OR1S2: variants seen among roughly 807,000 people sequenced by gnomAD.
OR1S2 encodes the protein olfactory receptor family 1 subfamily S member 2.
OR1S2 carries 1 observed loss-of-function variant against 1.7 expected under a neutral mutation model. That is an observed-to-expected ratio of 0.59 (90% CI 0.21 to 2.81). The LOEUF (loss-of-function observed/expected upper bound fraction) is 2.81, where lower values mean the gene tolerates loss of function less well. Ranked by LOEUF, OR1S2 falls within the 30% of genes most tolerant of loss-of-function variation. The pLI is 0.22. For synonymous variants in OR1S2, 157 were observed against 145.3 expected (o/e 1.08, Z -0.58); for missense variants, 391 against 371.6 (o/e 1.05, Z -0.43).
At chr11:58,203,522 G>C (rs1409126308) in exon 1 of OR1S2, 1 of 1,614,004 alleles carries the variant, frequency 6.2e-7, no homozygotes, top group Non-Finnish European at 8.5e-7. Flanking sequence ...AGGGGAAGAT[G>C]ATAACTGATA....
exon 1 of OR1S2, chr11:58,204,076 G>A (rs761791017): frequency 6.2e-7 from 1 of 1,613,962 alleles, no homozygotes; most frequent in Non-Finnish European, 8.5e-7. Flanking sequence ...AGGTTTTGAT[G>A]TTCAGCCTGG....
chr11:58,203,855 G>C (rs766709846), exon 1 of OR1S2: 4 of 1,614,126 alleles, frequency 2.5e-6, no homozygotes, highest in Non-Finnish European at 2.5e-6. Flanking sequence ...GTGTGATGCA[G>C]CTCTCATAAG....
chr11:58,204,058 C>T, exon 1 of OR1S2: 1 of 1,613,986 alleles, frequency 6.2e-7, no homozygotes, highest in Non-Finnish European at 8.5e-7. Context: ...AGGAAAAGCA[C>T]AAAGAGGAGG....
chr11:58,203,775 A>G (rs1854877664), exon 1 of OR1S2: 4 of 1,614,134 alleles, frequency 2.5e-6, no homozygotes, highest in South Asian at 2.2e-5. Flanking sequence ...GATCGCCACA[A>G]AGTGGTCGAA....
exon 1 of OR1S2, chr11:58,203,347 G>A: frequency 6.2e-7 from 1 of 1,614,066 alleles, no homozygotes; most frequent in Non-Finnish European, 8.5e-7. Flanking sequence ...TCCTCAGGGT[G>A]AGTGGAGGAG....
rs143208389 is a variant in OR1S2, at chr11:58,204,122, G to T, written c.21C>A (p.Thr7=). 8 of 1,613,826 alleles carry T rather than the reference G, an allele frequency of 5.0e-6. No individual in the cohort carries two copies. In the African/African-American group the frequency reaches 5.3e-5, roughly 11 times the overall value. The change falls in exon 1 of 1, where the codon ACC becomes ACA. Residue 7 remains threonine (T), a synonymous_variant. Coordinates refer to ENST00000641683, the Ensembl canonical transcript of OR1S2. ...CCAGGAGAATGAATTCAGTGATGGT[G>T]GTTTGGTTTTCTTGATGCATATTTC...
exon 1 of OR1S2, chr11:58,204,068 G>A (rs1430261720): frequency 6.2e-7 from 1 of 1,614,018 alleles, no homozygotes; most frequent in Non-Finnish European, 8.5e-7. Context: ...CAAAGAGGAG[G>A]TTTTGATGTT....
At chr11:58,203,205 C>T (rs1228132128) in exon 1 of OR1S2, 2 of 1,605,490 alleles carry the variant, frequency 1.2e-6, no homozygotes, top group Admixed American at 1.7e-5. Context: ...TCCAGGGCAT[C>T]AAAGGGAAGA....
exon 1 of OR1S2, chr11:58,203,745 G>A (rs768408303): frequency 1.2e-6 from 2 of 1,614,082 alleles, no homozygotes; most frequent in South Asian, 2.2e-5. Context: ...CATGAAAGTT[G>A]TATAGTTCAG....
rs1768273265 is a variant in OR1S2 at position 58,203,746 on chromosome 11, T to C, written c.397A>G (p.Thr133Ala). 1 of 1,613,988 alleles carries C rather than the reference T, an allele frequency of 6.2e-7. No homozygotes were observed. Among genetic ancestry groups the C allele is most frequent in the South Asian group, 1.1e-5 (1 of 91,068 alleles). The change falls in exon 1 of 1, where the codon ACA becomes GCA. Residue 133 changes from threonine to alanine, a missense_variant. Physicochemically the swap from Thr to Ala is moderately conservative, Grantham distance 58 (BLOSUM62 0). Coordinates refer to ENST00000641683, the Ensembl canonical transcript of OR1S2. ...CCGAACCTGGCCCGCATGAAAGTTG[T>C]ATAGTTCAGAGGGTGGCAGATCGCC...
exon 1 of OR1S2, chr11:58,204,113 A>T (rs767080946): frequency 1.3e-5 from 21 of 1,613,938 alleles, no homozygotes; most frequent in Non-Finnish European, 1.7e-5. Context: ...GAATGAATTC[A>T]GTGATGGTGG....
In OR1S2 at chr11:58,203,379, G is replaced by A. The variant is rs78572631; in HGVS notation, c.764C>T (p.Thr255Ile). 5.8e-4 allele frequency: 943 copies of A among 1,613,032 alleles called. 14 individuals are homozygous for A. The East Asian group carries it at 0.011, about 19-fold the overall frequency. ...GGAGGGGAAAAAGTACACGCCTACA[G>A]TGGTTCCGTAGAACAGTAATGCAAT... The change falls in exon 1 of 1, where the codon ACT (threonine) becomes ATT (isoleucine). Residue 255 changes from threonine to isoleucine, a missense_variant. By Grantham distance (89) the Thr-to-Ile change is moderately conservative. Coordinates refer to ENST00000641683, the Ensembl canonical transcript of OR1S2.
In OR1S2 at chr11:58,203,689, T is replaced by G. The variant is rs148635589; in HGVS notation, c.454A>C (p.Ser152Arg). ...GTGTGTGTAAGAGCAATAATATTAC[T>G]GAGGAACCACGAGATGACTGTGAGC... The change falls in exon 1 of 1, where the codon AGT becomes CGT. Residue 152 changes from serine (S) to arginine (R), a missense_variant. Transcript: ENST00000641683. 1.4e-5 allele frequency: 23 copies of G among 1,613,954 alleles called. No homozygotes were observed. The African/African-American group carries it at 2.5e-4, about 18-fold the overall frequency.
chr11:58,203,238 C>T lies in OR1S2; in HGVS notation c.905G>A (p.Arg302Lys), dbSNP rs200534397. The T allele has an allele frequency of 1.9e-4, 312 of 1,612,236 alleles. No individual in the cohort carries two copies. The highest frequency in any genetic ancestry group is 2.5e-4 in the Non-Finnish European group (298 of 1,178,952). ...AGAAATTTTTCTATTGATGAGCTTT[C>T]TCAGGGCACCTTTCATATCCTTATT... The change falls in exon 1 of 1, where the codon AGA (arginine) becomes AAA (lysine). Residue 302 changes from arginine (R) to lysine (K), a missense_variant. By Grantham distance (26) the Arg-to-Lys change is conservative. Transcript: ENST00000641683.
At chr11:58,203,212 A>T in exon 1 of OR1S2, 1 of 1,607,052 alleles carries the variant, frequency 6.2e-7, no homozygotes, top group Non-Finnish European at 8.5e-7. Flanking sequence ...CATCAAAGGG[A>T]AGAAATTTTT....
rs150759965 is a variant in OR1S2 at position 58,203,454 on chromosome 11, G to A, written c.689C>T (p.Ser230Phe). ...GAAGGCTTTCCACTTTCCCTGTGTG[G>A]ATGATACTCCCAGGACAGCTCTGAT... The change falls in exon 1 of 1, where the codon TCC (serine) becomes TTC (phenylalanine). Residue 230 changes from serine to phenylalanine, a missense_variant. Transcript: ENST00000641683. The A allele has an allele frequency of 2.5e-3, 4,110 of 1,614,028 alleles. 9 individuals are homozygous for A. Among genetic ancestry groups the A allele is most frequent in the Non-Finnish European group, 3.3e-3 (3,860 of 1,179,968 alleles).
exon 1 of OR1S2, chr11:58,203,210 G>A (rs1854866335): frequency 1.9e-6 from 3 of 1,606,368 alleles, no homozygotes; most frequent in Non-Finnish European, 2.6e-6. Flanking sequence ...GGCATCAAAG[G>A]GAAGAAATTT....
At chr11:58,203,470 C>T (rs1486730508) in exon 1 of OR1S2, 3 of 1,613,894 alleles carry the variant, frequency 1.9e-6, no homozygotes, top group African/African-American at 2.7e-5. Flanking sequence ...ACTCCCAGGA[C>T]AGCTCTGATG....
exon 1 of OR1S2, chr11:58,203,463 C>T (rs374595433): frequency 9.5e-5 from 154 of 1,613,838 alleles, no homozygotes; most frequent in Non-Finnish European, 1.3e-4. Context: ...GGATGATACT[C>T]CCAGGACAGC....
Sources: gnomAD v4.1 joint callset for allele counts on GRCh38, gnomAD v4.1.1 for gene constraint, MANE v1.5 for transcripts, NCBI Gene and HGNC (gene_info 2026-07-23, HGNC 2026-07-21) for gene names.